The following FAM117B variants were observed in gnomAD, a reference collection of about 807,000 sequenced individuals.
FAM117B encodes the protein protein FAM117B.
Under a neutral mutation model 52.8 loss-of-function variants are expected in FAM117B, and 22 were observed. The observed-to-expected ratio is 0.42, with a 90% CI of 0.30 to 0.59. The LOEUF (loss-of-function observed/expected upper bound fraction) is 0.59, where lower values mean the gene tolerates loss of function less well. Among genes scored for constraint, FAM117B ranks in the 20% least tolerant of loss-of-function variants. The pLI is 0.22. For missense variants in FAM117B, 678 were observed against 802.6 expected (o/e 0.84, Z 1.88); for synonymous variants, 309 against 324.1 (o/e 0.95, Z 0.50).
chr2:202,634,994 A>AGCAGCGGCGGCG lies in FAM117B; in HGVS notation c.-192_-191insAGCGGCGGCGGC, dbSNP rs760350219. On this transcript the variant is annotated 5_prime_UTR_variant, in exon 1 of 8. Coordinates refer to ENST00000392238, the MANE Select transcript of FAM117B (RefSeq NM_173511.4). ...AGAGGAGACACTATTGTTGATGAGG[A>AGCAGCGGCGGCG]GCGGCGGCGGCGGCGGCGGCGGCTG... 6.8e-6 allele frequency among the ~76,000 whole-genome samples: 1 copy of AGCAGCGGCGGCG among 147,634 alleles called. No homozygotes were observed. Among genetic ancestry groups the AGCAGCGGCGGCG allele is most frequent in the East Asian group, 2.2e-4 (1 of 4,582 alleles).
chr2:202,755,624 G>A lies in FAM117B; in HGVS notation c.1047G>A (p.Leu349=). 1.2e-6 allele frequency: 2 copies of A among 1,614,082 alleles called. No homozygotes were observed. The highest frequency in any genetic ancestry group is 1.7e-6 in the Non-Finnish European group (2 of 1,179,966). Residue 349 remains leucine (L), a synonymous_variant, in exon 5 of 8, where the codon TTG becomes TTA. Coordinates refer to ENST00000392238, the MANE Select transcript of FAM117B (RefSeq NM_173511.4). ...GSRFRNSVEG[L]NQEIEIIIKE... ...GGTTCCGGAATAGCGTGGAAGGATTGAATCAGGAGATTGAAATAATAATTA... is the reference window on the plus strand; with the variant it reads ...GGTTCCGGAATAGCGTGGAAGGATTAAATCAGGAGATTGAAATAATAATTA...
chr2:202,685,720 C>T, intron 1 of FAM117B, among the ~76,000 whole-genome samples: 1 of 152,154 alleles, frequency 6.6e-6, no homozygotes, highest in East Asian at 1.9e-4. Flanking sequence ...TTTGGAGCAA[C>T]TGGATATCCA....
At chr2:202,671,292 A>T (rs899757979) in intron 1 of FAM117B, among the ~76,000 whole-genome samples, 1 of 152,216 alleles carries the variant, frequency 6.6e-6, no homozygotes, top group African/African-American at 2.4e-5. Flanking sequence ...GAAGGGACAA[A>T]AGTTAATAAG....
rs1219743876 is a variant in FAM117B, at chr2:202,644,053, G to GTTTTTTTTTTTTTT, written c.601+8275_601+8276insTTTTTTTTTTTTTT. Among the ~76,000 whole-genome samples, 18 of 60,156 alleles carry GTTTTTTTTTTTTTT rather than the reference G, an allele frequency of 3.0e-4. 2 individuals carry two copies. Among genetic ancestry groups the GTTTTTTTTTTTTTT allele is most frequent in the African/African-American group, 1.2e-3 (15 of 12,566 alleles). The allele number at this position is 60,156 out of a possible 152,430, so 39.5% of individuals were successfully genotyped here. On this transcript the variant is annotated intron_variant, in intron 1 of 7. Coordinates refer to ENST00000392238, the MANE Select transcript of FAM117B (RefSeq NM_173511.4). The stretch of plus-strand genomic sequence containing the variant: ...ATGCTATACTACTGCTTTAGGAGCT[G>GTTTTTTTTTTTTTT]TTTTTTTTTTGTTTTTTTTTTTTTT...
intron 1 of FAM117B, among the ~76,000 whole-genome samples, chr2:202,677,878 C>T (rs1227062108): frequency 1.3e-5 from 2 of 152,136 alleles, no homozygotes; most frequent in African/African-American, 2.4e-5. Context: ...GCAGTTTGCT[C>T]AATGCCTAAT....
chr2:202,747,168 G>A (rs1691647688), intron 4 of FAM117B, among the ~76,000 whole-genome samples: 1 of 152,044 alleles, frequency 6.6e-6, no homozygotes, highest in African/African-American at 2.4e-5. Context: ...ACAGAATGTA[G>A]GACAAAAACC....
At chr2:202,699,900 C>T (rs1690771860) in intron 2 of FAM117B, among the ~76,000 whole-genome samples, 1 of 152,154 alleles carries the variant, frequency 6.6e-6, no homozygotes, top group Non-Finnish European at 1.5e-5. Flanking sequence ...GTAGTTCTTG[C>T]AATATTTCAG....
Position 202,637,508 on chromosome 2 carries a change from T to TG in FAM117B, c.601+1722dup, listed in dbSNP as rs1225526413. 3.9e-5 allele frequency among the ~76,000 whole-genome samples: 6 copies of TG among 152,322 alleles called. No individual in the cohort carries two copies. In the East Asian group the frequency reaches 1.2e-3, roughly 29 times the overall value. ...CTGACCTTATGTGATCTGCCCGCCTTGGCCTCCCAAAGTGCTAGGATTGCC... is the reference window on the plus strand; with the variant it reads ...CTGACCTTATGTGATCTGCCCGCCTTGGGCCTCCCAAAGTGCTAGGATTGCC... On this transcript the variant is annotated intron_variant, in intron 1 of 7. Coordinates refer to ENST00000392238, the MANE Select transcript of FAM117B (RefSeq NM_173511.4).
At chr2:202,756,060 T>C (rs189278984) in intron 5 of FAM117B, among the ~76,000 whole-genome samples, 20 of 152,356 alleles carry the variant, frequency 1.3e-4, no homozygotes, top group African/African-American at 4.8e-4. Flanking sequence ...TGCTCCTTTT[T>C]TGAATGTCAG....
chr2:202,732,873 TAA>T (rs34605625), intron 4 of FAM117B, among the ~76,000 whole-genome samples: 62 of 132,292 alleles, frequency 4.7e-4, no homozygotes, highest in Admixed American at 6.8e-4. Flanking sequence ...AACATGCTAG[TAA>T]AAAAAAAAAA....
intron 1 of FAM117B, among the ~76,000 whole-genome samples, chr2:202,695,361 G>T (rs766600422): frequency 6.6e-6 from 1 of 151,844 alleles, no homozygotes; most frequent in African/African-American, 2.4e-5. Flanking sequence ...TATAAATTGC[G>T]CCATTCTGAG....
At chr2:202,689,689 C>T (rs920690963) in intron 1 of FAM117B, among the ~76,000 whole-genome samples, 1 of 151,780 alleles carries the variant, frequency 6.6e-6, no homozygotes, top group Admixed American at 6.6e-5. Context: ...AGCCTGAGGC[C>T]AGTGGACTGC....
intron 1 of FAM117B, among the ~76,000 whole-genome samples, chr2:202,664,219 C>A (rs1262304588): frequency 6.6e-6 from 1 of 152,104 alleles, no homozygotes; most frequent in African/African-American, 2.4e-5. Flanking sequence ...AATTAGATAT[C>A]TTTTCTGAAG....
Position 202,752,604 on chromosome 2 carries a change from C to T in FAM117B, c.961-2934C>T, listed in dbSNP as rs117025331. Among the ~76,000 whole-genome samples, 113 of 152,156 alleles carry T rather than the reference C, an allele frequency of 7.4e-4. 3 individuals are homozygous for T. The East Asian group carries it at 0.021, about 28-fold the overall frequency. On this transcript the variant is annotated intron_variant, in intron 4 of 7. Coordinates refer to ENST00000392238, the MANE Select transcript of FAM117B (RefSeq NM_173511.4). ...TTTGTCTGTTACCTTTGTCTTCTTG[C>T]CCACCTCTTCCTGAAAGAGGTTTTC...
chr2:202,658,619 C>T (rs775828340), intron 1 of FAM117B, among the ~76,000 whole-genome samples: 2 of 152,114 alleles, frequency 1.3e-5, no homozygotes, highest in Non-Finnish European at 2.9e-5. Context: ...ATCTTTACTG[C>T]AGGAAATTTT....
rs147425471 is a variant in FAM117B at position 202,670,599 on chromosome 2, G to A, written c.602-25282G>A. 1.8e-4 allele frequency among the ~76,000 whole-genome samples: 28 copies of A among 152,258 alleles called. 1 individual carries two copies. The highest frequency in any genetic ancestry group is 6.7e-4 in the African/African-American group (28 of 41,556). On this transcript the variant is annotated intron_variant, in intron 1 of 7. Transcript: ENST00000392238. ...CTGGCCAAGGAGCATACTTTCTAGT[G>A]TAGAGACTTTGTCTACATAGCAGGG...
At chr2:202,760,466 C>A (rs1000479652) in intron 7 of FAM117B, among the ~76,000 whole-genome samples, 1 of 152,132 alleles carries the variant, frequency 6.6e-6, no homozygotes, top group African/African-American at 2.4e-5. Flanking sequence ...TTTCTGCCTC[C>A]CCTCTTTGTC....
intron 2 of FAM117B, among the ~76,000 whole-genome samples, chr2:202,703,219 A>G (rs552446736): frequency 6.6e-6 from 1 of 152,312 alleles, no homozygotes; most frequent in African/African-American, 2.4e-5. Context: ...CTTAACCACT[A>G]TCTCACTTTC....
intron 1 of FAM117B, among the ~76,000 whole-genome samples, chr2:202,686,679 T>C (rs1426398931): frequency 1.3e-5 from 2 of 152,016 alleles, no homozygotes; most frequent in Non-Finnish European, 2.9e-5. Flanking sequence ...TGGTGGCATA[T>C]GCCTGTAATC....
Sources: gnomAD v4.1 joint callset for allele counts (sites outside exome capture counted in the v4.1 genomes callset) on GRCh38, gnomAD v4.1.1 for gene constraint, MANE v1.5 for transcripts, NCBI Gene and HGNC (gene_info 2026-07-23, HGNC 2026-07-21) for gene names.